Variants in GALNT7 observed in about 807,000 individuals in gnomAD.
The protein encoded by GALNT7 is N-acetylgalactosaminyltransferase 7.
GALNT7 carries 60 observed loss-of-function variants against 82.1 expected under a neutral mutation model. That is an observed-to-expected ratio of 0.73 (90% CI 0.59 to 0.91). The LOEUF (loss-of-function observed/expected upper bound fraction) is 0.91. Ranked by LOEUF, GALNT7 falls within the 40% of genes least tolerant of loss-of-function variation. The probability of loss-of-function intolerance (pLI) is 0.00; values close to 1 mark genes in which losing one functional copy is unlikely to be tolerated. For synonymous variants in GALNT7, 243 were observed against 275.1 expected, an observed-to-expected ratio of 0.88 and a Z score of 1.15; for missense variants, 660 against 804.2, an observed-to-expected ratio of 0.82 and a Z score of 2.17.
intron 1 of GALNT7, among the ~76,000 whole-genome samples, chr4:173,233,456 G>A (rs74951773): frequency 0.023 from 3,551 of 152,154 alleles, 77 homozygotes; most frequent in African/African-American, 0.052. Context: ...ACTTCATTGC[G>A]GTTTTGATTT....
rs71596614 is a variant in GALNT7, at chr4:173,266,868, GGTGTGTGTGTGTGTGTGTGTGTGT to G, written c.587+18464_587+18487del. ...ATGACGGCTACCTGAGGCTGGGAAG[GGTGTGTGTGTGTGTGTGTGTGTGT>G]GTGTGTGTGTGTGTGTGTGTGTGTG... On this transcript the variant is annotated intron_variant, in intron 2 of 11. Transcript: ENST00000265000. Among the ~76,000 whole-genome samples the G allele has an allele frequency of 3.9e-4, 37 of 95,126 alleles. No individual in the cohort carries two copies. In the South Asian group the frequency reaches 6.3e-3, roughly 16 times the overall value. The allele number at this position is 95,126 out of a possible 152,430, so 62.4% of individuals were successfully genotyped here.
chr4:173,315,827 G>A (rs1681332942), intron 9 of GALNT7: 1 of 152,132 alleles, frequency 6.6e-6, no homozygotes, highest in Non-Finnish European at 1.5e-5. Context: ...ACTCGACATA[G>A]CCTAAATTGA....
At chr4:173,215,898 C>G (rs1394849452) in intron 1 of GALNT7, among the ~76,000 whole-genome samples, 1 of 152,094 alleles carries the variant, frequency 6.6e-6, no homozygotes, top group Non-Finnish European at 1.5e-5. Context: ...TGCTTGAGCC[C>G]AGGAGTTCGA....
At chr4:173,309,310 G>A (rs1211301324) in intron 8 of GALNT7, among the ~76,000 whole-genome samples, 2 of 152,136 alleles carry the variant, frequency 1.3e-5, no homozygotes, top group East Asian at 1.9e-4. Flanking sequence ...CCTCAAATGA[G>A]ATATGTCATA....
intron 2 of GALNT7, among the ~76,000 whole-genome samples, chr4:173,274,591 A>T (rs906147835): frequency 6.6e-6 from 1 of 152,190 alleles, no homozygotes; most frequent in Non-Finnish European, 1.5e-5. Context: ...TTCTTTATAT[A>T]TAAAATGAAT....
intron 1 of GALNT7, among the ~76,000 whole-genome samples, chr4:173,185,427 AG>A (rs1732435291): frequency 6.6e-6 from 1 of 151,740 alleles, no homozygotes; most frequent in African/African-American, 2.4e-5. Flanking sequence ...AAAAAAAAAA[AG>A]TGGAAAAATT....
At chr4:173,279,994 G>C (rs1400766317) in intron 2 of GALNT7, among the ~76,000 whole-genome samples, 2 of 151,688 alleles carry the variant, frequency 1.3e-5, no homozygotes, top group African/African-American at 4.8e-5. Flanking sequence ...AAAAAAAAAA[G>C]GATAGTTAAA....
chr4:173,169,730 A>T (rs949382418), intron 1 of GALNT7: 2 of 151,946 alleles, frequency 1.3e-5, no homozygotes, highest in Non-Finnish European at 2.9e-5. Context: ...CGCCGCCCCC[A>T]GCCCTCAGCG....
chr4:173,235,263 C>G (rs562282265), intron 1 of GALNT7, among the ~76,000 whole-genome samples: 1 of 152,320 alleles, frequency 6.6e-6, no homozygotes, highest in South Asian at 2.1e-4. Context: ...TATTAACTCA[C>G]TTTTTACTGC....
At chr4:173,195,786 T>A (rs963439627) in intron 1 of GALNT7, among the ~76,000 whole-genome samples, 1 of 152,188 alleles carries the variant, frequency 6.6e-6, no homozygotes, top group Non-Finnish European at 1.5e-5. Context: ...AGATGCATAG[T>A]CTCTTAGTTA....
chr4:173,272,364 T>A (rs1735759268), intron 2 of GALNT7, among the ~76,000 whole-genome samples: 1 of 152,226 alleles, frequency 6.6e-6, no homozygotes, highest in South Asian at 2.1e-4. Context: ...AGTGTTCACA[T>A]GAGTTAAGTC....
At chr4:173,296,673 C>T (rs1736726448) in intron 5 of GALNT7, among the ~76,000 whole-genome samples, 1 of 152,146 alleles carries the variant, frequency 6.6e-6, no homozygotes, top group African/African-American at 2.4e-5. Flanking sequence ...ACTGTCAGAC[C>T]AAGGCCTCCC....
intron 2 of GALNT7, among the ~76,000 whole-genome samples, chr4:173,283,883 TA>T (rs1736214239): frequency 6.6e-6 from 1 of 152,248 alleles, no homozygotes; most frequent in Non-Finnish European, 1.5e-5. Context: ...CAAACAACTA[TA>T]TTGTTATAAG....
At chr4:173,229,942 G>C (rs370459889) in intron 1 of GALNT7, among the ~76,000 whole-genome samples, 1 of 151,942 alleles carries the variant, frequency 6.6e-6, no homozygotes, top group African/African-American at 2.4e-5. Context: ...TTGGCAGGCT[G>C]TCTTAAGTGT....
chr4:173,189,663 T>C (rs1023641386), intron 1 of GALNT7, among the ~76,000 whole-genome samples: 1 of 152,232 alleles, frequency 6.6e-6, no homozygotes, highest in African/African-American at 2.4e-5. Flanking sequence ...AAACACCACC[T>C]TTTCTTTTGG....
intron 1 of GALNT7, among the ~76,000 whole-genome samples, chr4:173,179,628 A>C (rs1267092588): frequency 6.6e-6 from 1 of 152,230 alleles, no homozygotes; most frequent in Non-Finnish European, 1.5e-5. Flanking sequence ...CAATAGTTTC[A>C]ATTCCTAATG....
At chr4:173,172,566 A>C (rs1731911511) in intron 1 of GALNT7, among the ~76,000 whole-genome samples, 1 of 152,090 alleles carries the variant, frequency 6.6e-6, no homozygotes, top group Non-Finnish European at 1.5e-5. Context: ...CAACGGCCTG[A>C]CCATCACCTG....
At chr4:173,251,360 T>C (rs990743713) in intron 2 of GALNT7, among the ~76,000 whole-genome samples, 5 of 152,264 alleles carry the variant, frequency 3.3e-5, no homozygotes, top group Non-Finnish European at 5.9e-5. Context: ...AAGTCTTTTA[T>C]TAGCCTGTTG....
intron 2 of GALNT7, among the ~76,000 whole-genome samples, chr4:173,255,976 AAATTATATC>A (rs1735022785): frequency 6.6e-6 from 1 of 152,158 alleles, no homozygotes; most frequent in African/African-American, 2.4e-5. Context: ...GTAAATAGGG[AAATTATATC>A]AATTCAGTGT....
Sources: gnomAD v4.1 joint callset for allele counts (sites outside exome capture counted in the v4.1 genomes callset) on GRCh38, gnomAD v4.1.1 for gene constraint, MANE v1.5 for transcripts, NCBI Gene and HGNC (gene_info 2026-07-23, HGNC 2026-07-21) for gene names.